Variants in SDK1 observed in about 807,000 individuals in gnomAD.
SDK1 encodes sidekick cell adhesion molecule 1.
A neutral mutation model predicts 245.5 loss-of-function variants in SDK1; 157 were observed. The ratio of observed to expected loss-of-function variants is 0.64; its 90% CI spans 0.56 to 0.73. SDK1 has a LOEUF of 0.73. Ranked by LOEUF, SDK1 falls within the 30% of genes least tolerant of loss-of-function variation. SDK1 has a pLI of 0.00. For missense variants in SDK1, 3,583 were observed against 3,002.3 expected, an observed-to-expected ratio of 1.19 and a Z score of -4.52; for synonymous variants, 1,647 against 1,278.5, an observed-to-expected ratio of 1.29 and a Z score of -6.15.
chr7:3,439,023 T>C (rs748392122), intron 1 of SDK1, among the ~76,000 whole-genome samples: 2 of 151,980 alleles, frequency 1.3e-5, no homozygotes, highest in African/African-American at 2.4e-5. Context: ...CAGCTCACTT[T>C]TGTATTTTTA....
intron 1 of SDK1, among the ~76,000 whole-genome samples, chr7:3,441,372 T>A (rs1211185245): frequency 6.6e-6 from 1 of 152,008 alleles, no homozygotes; most frequent in Non-Finnish European, 1.5e-5. Context: ...CATGTGTGGA[T>A]CCAAAATCTC....
intron 1 of SDK1, among the ~76,000 whole-genome samples, chr7:3,333,288 C>G (rs1374781489): frequency 6.6e-6 from 1 of 152,108 alleles, no homozygotes; most frequent in East Asian, 1.9e-4. Context: ...GCAATGTTTT[C>G]TAGACATTCT....
chr7:4,100,153 A>G (rs882362), intron 22 of SDK1, among the ~76,000 whole-genome samples: 87,542 of 152,142 alleles, frequency 0.58, 26,249 homozygotes, highest in South Asian at 0.71. Flanking sequence ...ATCACCCAAC[A>G]TGTGGCACAG....
At chr7:4,201,147 G>C (rs918635317) in intron 35 of SDK1, among the ~76,000 whole-genome samples, 4 of 152,150 alleles carry the variant, frequency 2.6e-5, no homozygotes, top group Admixed American at 6.5e-5. Context: ...CTCTGCTGCT[G>C]GCTTTCTTGC....
At chr7:3,537,531 C>G (rs1288456515) in intron 1 of SDK1, among the ~76,000 whole-genome samples, 1 of 152,182 alleles carries the variant, frequency 6.6e-6, no homozygotes, top group Admixed American at 6.5e-5. Flanking sequence ...TATATGGATT[C>G]TCCATTGTGG....
chr7:3,451,184 G>A (rs967218394), intron 1 of SDK1, among the ~76,000 whole-genome samples: 2 of 152,086 alleles, frequency 1.3e-5, no homozygotes, highest in African/African-American at 2.4e-5. Flanking sequence ...CGTGAGCAAT[G>A]TCCTAAATCT....
intron 4 of SDK1, among the ~76,000 whole-genome samples, chr7:3,668,155 T>C (rs1180283937): frequency 6.6e-6 from 1 of 152,198 alleles, no homozygotes; most frequent in Non-Finnish European, 1.5e-5. Flanking sequence ...TACTGCTTAA[T>C]AAGCTGCCCT....
At chr7:3,881,937 T>C (rs1781218266) in intron 5 of SDK1, among the ~76,000 whole-genome samples, 1 of 152,186 alleles carries the variant, frequency 6.6e-6, no homozygotes, top group Non-Finnish European at 1.5e-5. Flanking sequence ...TTAGTCCATT[T>C]TCACGCTGCT....
At chr7:3,525,424 G>T (rs918423843) in intron 1 of SDK1, among the ~76,000 whole-genome samples, 7 of 152,046 alleles carry the variant, frequency 4.6e-5, no homozygotes, top group African/African-American at 1.7e-4. Context: ...CCCTTTTCTT[G>T]TGTCTGGGAG....
chr7:3,689,008 A>G (rs957824521), intron 4 of SDK1, among the ~76,000 whole-genome samples: 1 of 152,146 alleles, frequency 6.6e-6, no homozygotes, highest in African/African-American at 2.4e-5. Context: ...CTTCTGCTAT[A>G]CTTGCGTTCC....
chr7:3,866,256 A>T (rs528878637), intron 5 of SDK1, among the ~76,000 whole-genome samples: 1 of 152,286 alleles, frequency 6.6e-6, no homozygotes, highest in African/African-American at 2.4e-5. Context: ...CTGATTGTGC[A>T]TCTCTCACTG....
intron 4 of SDK1, among the ~76,000 whole-genome samples, chr7:3,819,510 G>A (rs1779591994): frequency 6.6e-6 from 1 of 152,032 alleles, no homozygotes; most frequent in South Asian, 2.1e-4. Flanking sequence ...TTTTTAAATT[G>A]TACTATTAAA....
chr7:4,106,932 G>T lies in SDK1; in HGVS notation c.3325-3731G>T, dbSNP rs115522179. 8.1e-3 allele frequency among the ~76,000 whole-genome samples: 1,227 copies of T among 151,924 alleles called. 9 individuals are homozygous for T. The highest frequency in any genetic ancestry group is 0.023 in the African/African-American group (942 of 41,430). Reference sequence around the variant, plus strand: ...ATGAGGGAGCCCACAGGGTCAGGAAGCCCCCAGGCCTCAGGTGAATGCTTC... The same window carrying T: ...ATGAGGGAGCCCACAGGGTCAGGAATCCCCCAGGCCTCAGGTGAATGCTTC... On this transcript the variant is annotated intron_variant, in intron 22 of 44. Coordinates refer to ENST00000404826, the MANE Select transcript of SDK1 (RefSeq NM_152744.4).
intron 1 of SDK1, among the ~76,000 whole-genome samples, chr7:3,416,409 C>G (rs556989514): frequency 6.6e-6 from 1 of 151,192 alleles, no homozygotes; most frequent in Non-Finnish European, 1.5e-5. Context: ...TTGGAAAGCT[C>G]GGGGCTTGAC....
chr7:3,833,577 T>C (rs535372557), intron 5 of SDK1, among the ~76,000 whole-genome samples: 86 of 152,332 alleles, frequency 5.6e-4, no homozygotes, highest in African/African-American at 2.0e-3. Context: ...GTCAGAATGA[T>C]GTAGGAATAG....
At chr7:4,060,503 G>T (rs903344728) in intron 19 of SDK1, among the ~76,000 whole-genome samples, 4 of 151,896 alleles carry the variant, frequency 2.6e-5, no homozygotes, top group African/African-American at 9.7e-5. Flanking sequence ...TTTTTTTCTT[G>T]TAAATTTGTT....
chr7:3,762,914 G>A (rs906667955), intron 4 of SDK1, among the ~76,000 whole-genome samples: 1 of 152,134 alleles, frequency 6.6e-6, no homozygotes, highest in African/African-American at 2.4e-5. Context: ...GCTGATGTGT[G>A]CACAAGTCTA....
intron 22 of SDK1, among the ~76,000 whole-genome samples, chr7:4,101,435 C>G (rs1290374169): frequency 1.3e-5 from 2 of 152,206 alleles, no homozygotes; most frequent in African/African-American, 4.8e-5. Flanking sequence ...GCGTGAGCCA[C>G]CGCACCCGGC....
At chr7:4,204,213 A>G (rs377237368) in intron 35 of SDK1, among the ~76,000 whole-genome samples, 21 of 152,266 alleles carry the variant, frequency 1.4e-4, no homozygotes, top group African/African-American at 5.1e-4. Context: ...GCCGATGGCA[A>G]ACATGCAAAA....
Sources: gnomAD v4.1 joint callset for allele counts (sites outside exome capture counted in the v4.1 genomes callset) on GRCh38, gnomAD v4.1.1 for gene constraint, MANE v1.5 for transcripts, NCBI Gene and HGNC (gene_info 2026-07-23, HGNC 2026-07-21) for gene names.